CCND1: variants seen among roughly 807,000 people sequenced by gnomAD.
The protein encoded by CCND1 is G1/S-specific cyclin-D1.
A neutral mutation model predicts 26.1 loss-of-function variants in CCND1; 9 were observed. The ratio of observed to expected loss-of-function variants is 0.35; its 90% CI spans 0.21 to 0.60. CCND1 has a LOEUF of 0.60. Among genes scored for constraint, CCND1 ranks in the 20% least tolerant of loss-of-function variants. The probability of loss-of-function intolerance (pLI) is 0.79; values close to 1 mark genes in which losing one functional copy is unlikely to be tolerated. For missense variants in CCND1, 335 were observed against 392.9 expected, an observed-to-expected ratio of 0.85 and a Z score of 1.25; for synonymous variants, 194 against 166.1, an observed-to-expected ratio of 1.17 and a Z score of -1.29.
intron 2 of CCND1, 29 bp downstream of exon 2, chr11:69,643,275 C>T: frequency 1.3e-6 from 2 of 1,514,450 alleles, no homozygotes; most frequent in Non-Finnish European, 8.9e-7. Flanking sequence ...CGCCCCCCGC[C>T]CCCCGCGAGC....
Position 69,654,027 on chromosome 11 carries a change from A to G in CCND1, c.*2745A>G. The G allele has an allele frequency of 1.7e-6, 1 of 599,766 alleles. No individual in the cohort carries two copies. The highest frequency in any genetic ancestry group is 3.0e-6 in the Non-Finnish European group (1 of 336,386). 37.2% of individuals were successfully genotyped at this position (599,766 alleles called of 1,614,324 possible). On this transcript the variant is annotated 3_prime_UTR_variant, in exon 5 of 5. Coordinates refer to ENST00000227507, the MANE Select transcript of CCND1 (RefSeq NM_053056.3). The surrounding 1 kb of genome is among the most constrained non-coding windows in gnomAD (Gnocchi z 6.3). ...CGGTCACCTAGCAAGCTGCCGAACC[A>G]AAAGAATTTGCACCCCGCTGCGGGC...
chr11:69,649,307 C>T (rs945073363), intron 4 of CCND1, among the ~76,000 whole-genome samples: 1 of 152,250 alleles, frequency 6.6e-6, no homozygotes, highest in Admixed American at 6.5e-5. Context: ...CCAGGGGTGA[C>T]TGCCCTGGGA....
chr11:69,654,321 G>A lies in CCND1; in HGVS notation c.*3039G>A, dbSNP rs889333390. The A allele has an allele frequency of 5.6e-5, 39 of 702,598 alleles. 1 individual carries two copies. The highest frequency in any genetic ancestry group is 4.4e-4 in the African/African-American group (25 of 57,358). The allele number at this position is 702,598 out of a possible 1,614,324, so 43.5% of individuals were successfully genotyped here. A position where few individuals can be genotyped will look rare whatever the true frequency, so the allele number is the denominator to read the frequency against. On this transcript the variant is annotated 3_prime_UTR_variant, in exon 5 of 5. Coordinates refer to ENST00000227507, the MANE Select transcript of CCND1 (RefSeq NM_053056.3). The surrounding 1 kb of genome is among the most constrained non-coding windows in gnomAD (Gnocchi z 6.3). ...GGCACAGCGGAGTCTGTCCTGTGAC[G>A]CGCAAGTCTGAGGGTCTGGGCGGCG...
chr11:69,648,093 C>T lies in CCND1; in HGVS notation c.674C>T (p.Ser225Phe). 1.9e-6 allele frequency: 3 copies of T among 1,613,950 alleles called. No homozygotes were observed. The East Asian group carries it at 6.7e-5, about 36-fold the overall frequency. ...LNLRSPNNFL[S>F]YYRLTRFLSR... ...CTGAGGAGCCCCAACAACTTCCTGT[C>T]CTACTACCGCCTCACACGCTTCCTC... Residue 225 changes from serine to phenylalanine, a missense_variant, in exon 4 of 5, where the codon TCC (serine) becomes TTC (phenylalanine). By Grantham distance (155) the Ser-to-Phe change is radical. Coordinates refer to ENST00000227507, the MANE Select transcript of CCND1 (RefSeq NM_053056.3).
chr11:69,648,428 C>T (rs953622533), intron 4 of CCND1, among the ~76,000 whole-genome samples: 5 of 152,226 alleles, frequency 3.3e-5, no homozygotes, highest in Admixed American at 6.5e-5. Flanking sequence ...AGGCCCCAGG[C>T]GGCCCCAGCC....
chr11:69,651,219 A>AGAG lies in CCND1; in HGVS notation c.839_841dup (p.Glu280dup), dbSNP rs753296543. On this transcript the variant is annotated inframe_insertion, in exon 5 of 5. Coordinates refer to ENST00000227507, the MANE Select transcript of CCND1 (RefSeq NM_053056.3). ...ACCCCAAGGCCGCCGAGGAGGAGGA[A>AGAG]GAGGAGGAGGAGGAGGTGGACCTGG... 1.3e-5 allele frequency: 21 copies of AGAG among 1,603,648 alleles called. No individual in the cohort carries two copies. Among genetic ancestry groups the AGAG allele is most frequent in the Middle Eastern group, 3.3e-4 (2 of 6,040 alleles).
Position 69,654,332 on chromosome 11 carries a change from AG to A in CCND1, c.*3053del, listed in dbSNP as rs574666788. On this transcript the variant is annotated 3_prime_UTR_variant, in exon 5 of 5. Transcript: ENST00000227507. The surrounding 1 kb of genome is among the most constrained non-coding windows in gnomAD (Gnocchi z 6.3). ...GTCTGTCCTGTGACGCGCAAGTCTG[AG>A]GGTCTGGGCGGCGGGCGGCTGGGTC... is the stretch of plus-strand genomic sequence containing the variant. The A allele has an allele frequency of 1.2e-3, 848 of 702,544 alleles. 3 individuals are homozygous for A. The African/African-American group carries it at 0.013, about 11-fold the overall frequency. 43.5% of individuals were successfully genotyped at this position (702,544 alleles called of 1,614,324 possible).
Position 69,652,087 on chromosome 11 carries a change from G to A in CCND1, c.*805G>A, listed in dbSNP as rs147194931. The A allele has an allele frequency of 1.1e-3, 246 of 233,418 alleles. No individual in the cohort carries two copies. The highest frequency in any genetic ancestry group is 4.7e-3 in the African/African-American group (212 of 45,448). 14.5% of individuals were successfully genotyped at this position (233,418 alleles called of 1,614,324 possible). ...GTAGCAGGGTCGGGAAAGGCCACCTGTCCCACTCCTACGATACGCTACTAT... is the reference window on the plus strand; with the variant it reads ...GTAGCAGGGTCGGGAAAGGCCACCTATCCCACTCCTACGATACGCTACTAT... On this transcript the variant is annotated 3_prime_UTR_variant, in exon 5 of 5. Transcript: ENST00000227507.
At chr11:69,651,014 C>A in intron 4 of CCND1, 104 bp from the exon 5 acceptor site, 2 of 1,129,794 alleles carry the variant, frequency 1.8e-6, no homozygotes, top group Non-Finnish European at 2.5e-6. Context: ...CTTAGTCTTG[C>A]TCTTATAAAG....
At chr11:69,643,277 C>T (rs1565225098) in intron 2 of CCND1, 31 bp downstream of exon 2, 6 of 1,516,344 alleles carry the variant, frequency 4.0e-6, no homozygotes, top group South Asian at 2.4e-5. Flanking sequence ...CCCCCCGCCC[C>T]CCGCGAGCCG....
Position 69,653,407 on chromosome 11 carries a change from G to T in CCND1, c.*2125G>T. ...TCTCTTAGAACATTGTATTACAGAT[G>T]CCTTTTTTGTAGTTTTTTTTTTTTT... On this transcript the variant is annotated 3_prime_UTR_variant, in exon 5 of 5. Transcript: ENST00000227507. The T allele has an allele frequency of 1.6e-6, 1 of 628,800 alleles. No individual in the cohort carries two copies. Among genetic ancestry groups the T allele is most frequent in the Non-Finnish European group, 2.8e-6 (1 of 355,694 alleles). 39.0% of individuals were successfully genotyped at this position (628,800 alleles called of 1,614,324 possible).
intron 4 of CCND1, among the ~76,000 whole-genome samples, chr11:69,648,690 G>T (rs915413735): frequency 1.4e-5 from 2 of 141,908 alleles, no homozygotes; most frequent in African/African-American, 2.5e-5. Context: ...CTTAAAGAAA[G>T]AATTAAAATG....
intron 3 of CCND1, among the ~76,000 whole-genome samples, chr11:69,645,721 G>C (rs991099362): frequency 6.6e-6 from 1 of 152,238 alleles, no homozygotes; most frequent in Non-Finnish European, 1.5e-5. Context: ...CAGGTTGAAG[G>C]AGGTGGAGGC....
At chr11:69,644,186 G>GCTCC (rs1855750206) in intron 3 of CCND1, 195 bp downstream of exon 3, 1 of 620,826 alleles carries the variant, frequency 1.6e-6, no homozygotes, top group African/African-American at 1.8e-5. Context: ...AGGGAGATTT[G>GCTCC]CTCCCTCACG....
In CCND1 at chr11:69,643,959, A is replaced by G. The variant is rs2120094878; in HGVS notation, c.542A>G (p.His181Arg). The G allele has an allele frequency of 6.2e-7, 1 of 1,613,380 alleles. No homozygotes were observed. Among genetic ancestry groups the G allele is most frequent in the Non-Finnish European group, 8.5e-7 (1 of 1,179,998 alleles). ...GAGAACAAACAGATCATCCGCAAAC[A>G]CGCGCAGACCTTCGTTGCCCTCTGT... ...AEENKQIIRK[H>R]AQTFVALCAT... Residue 181 changes from histidine (H) to arginine (R), a missense_variant, in exon 3 of 5, where the codon CAC becomes CGC. Physicochemically the swap from His to Arg is conservative, Grantham distance 29. Coordinates refer to ENST00000227507, the MANE Select transcript of CCND1 (RefSeq NM_053056.3).
At chr11:69,644,022 C>A (rs1456188256) in intron 3 of CCND1, 31 bp downstream of exon 3, 1 of 1,611,004 alleles carries the variant, frequency 6.2e-7, no homozygotes, top group Non-Finnish European at 8.5e-7. Flanking sequence ...CCCGGCCTCC[C>A]CTTGAGAGCC....
At position 69,643,191 on chromosome 11, in the gene CCND1, C is replaced by A. The variant is rs2120089771; in HGVS notation, c.359C>A (p.Thr120Lys). Residue 120 changes from threonine to lysine, a missense_variant, in exon 2 of 5, where the codon ACG becomes AAG. Thr to Lys is a moderately conservative substitution (Grantham distance 78, BLOSUM62 -1). Transcript: ENST00000227507. The part of the protein sequence containing the change: ...ASKMKETIPL[T>K]AEKLCIYTDN... The stretch of plus-strand genomic sequence containing the variant: ...AAGATGAAGGAGACCATCCCCCTGA[C>A]GGCCGAGAAGCTGTGCATCTACACC... 6.2e-7 allele frequency: 1 copy of A among 1,605,944 alleles called. No individual in the cohort carries two copies. The highest frequency in any genetic ancestry group is 8.5e-7 in the Non-Finnish European group (1 of 1,176,602).
intron 4 of CCND1, chr11:69,648,349 TCA>T: frequency 1.7e-6 from 1 of 584,456 alleles, no homozygotes. Context: ...TGGGAGGTCC[TCA>T]CAGCCTTCTC....
At chr11:69,648,223 G>A (rs137975224) in intron 4 of CCND1, 81 bp downstream of exon 4, 3 of 1,536,390 alleles carry the variant, frequency 2.0e-6, no homozygotes, top group Non-Finnish European at 2.7e-6. Flanking sequence ...GCCGAGGCTG[G>A]TGCCAAGGCC....
Sources: gnomAD v4.1 joint callset for allele counts (sites outside exome capture counted in the v4.1 genomes callset) on GRCh38, gnomAD v4.1.1 for gene constraint, Gnocchi (gnomAD v3.1) non-coding constraint, MANE v1.5 for transcripts, NCBI Gene and HGNC (gene_info 2026-07-23, HGNC 2026-07-21) for gene names.